The following SLC14A2 variants were observed in gnomAD, a reference collection of about 807,000 sequenced individuals.
SLC14A2 encodes solute carrier family 14 member 2.
SLC14A2 carries 91 observed loss-of-function variants against 104.6 expected under a neutral mutation model. The ratio of observed to expected loss-of-function variants is 0.87; its 90% CI spans 0.73 to 1.04. The LOEUF is 1.04. SLC14A2 is among the 50% of genes least tolerant of loss of function. SLC14A2 has a pLI of 0.00. For missense variants in SLC14A2, 1,189 were observed against 1,156.0 expected (o/e 1.03, Z -0.41); for synonymous variants, 476 against 466.4 (o/e 1.02, Z -0.27).
chr18:45,567,897 G>A lies in SLC14A2; in HGVS notation c.-34-56734G>A, dbSNP rs572118450. On this transcript the variant is annotated intron_variant, in intron 2 of 20. Transcript: ENST00000586448. ...TCTTTCAGGAGAAGATGGTGAAGAT[G>A]TGCAGAAGGGCAGCCACATCCCTCA... 3.3e-5 allele frequency among the ~76,000 whole-genome samples: 5 copies of A among 152,332 alleles called. No individual in the cohort carries two copies. The East Asian group carries it at 9.7e-4, about 29-fold the overall frequency.
intron 2 of SLC14A2, among the ~76,000 whole-genome samples, chr18:45,599,401 G>A (rs1009652652): frequency 6.6e-5 from 10 of 152,330 alleles, no homozygotes; most frequent in African/African-American, 1.7e-4. Context: ...TAGGTTCAGC[G>A]AGATGCCTGA....
chr18:45,377,131 C>G lies in SLC14A2; in HGVS notation c.-124-106102C>G, dbSNP rs550740221. ...TGAAAACATCTGCAGTTGCCAAAAT[C>G]AGAAGCCATTTCTCATTCCTGGTCC... is the stretch of plus-strand genomic sequence containing the variant. On this transcript the variant is annotated intron_variant, in intron 1 of 20. Coordinates refer to the SLC14A2 transcript ENST00000586448. Among the ~76,000 whole-genome samples, 14 of 152,266 alleles carry G rather than the reference C, an allele frequency of 9.2e-5. 1 individual carries two copies. Among genetic ancestry groups the G allele is most frequent in the African/African-American group, 3.1e-4 (13 of 41,562 alleles).
chr18:45,532,381 C>G (rs2043707270), intron 2 of SLC14A2, among the ~76,000 whole-genome samples: 1 of 152,078 alleles, frequency 6.6e-6, no homozygotes, highest in South Asian at 2.1e-4. Context: ...TTTCATTGAG[C>G]ACTGGTTTGT....
intron 2 of SLC14A2, among the ~76,000 whole-genome samples, chr18:45,510,610 C>T (rs752133834): frequency 6.6e-6 from 1 of 152,094 alleles, no homozygotes; most frequent in African/African-American, 2.4e-5. Context: ...TAAGCCAATG[C>T]CCCACCCAGA....
At chr18:45,258,467 C>T (rs1170423544) in intron 1 of SLC14A2, among the ~76,000 whole-genome samples, 1 of 143,076 alleles carries the variant, frequency 7.0e-6, no homozygotes, top group Non-Finnish European at 1.5e-5. Flanking sequence ...TTGCAATATG[C>T]TACAGCCCAG....
chr18:45,666,151 G>C lies in SLC14A2; in HGVS notation c.1489G>C (p.Glu497Gln), dbSNP rs764155552. ...TCTAACTCCAGTGTTTGGAAAAGGC[G>C]AACACCAGGAAAGACAAAACAAAGA... ...RRRSKVFGKG[E>Q]HQERQNKDPF... The change falls in exon 12 of 20, where the codon GAA becomes CAA. Residue 497 changes from glutamate (E) to glutamine (Q), a missense_variant. Physicochemically the swap from Glu to Gln is conservative, Grantham distance 29. Transcript: ENST00000255226. 6.2e-7 allele frequency: 1 copy of C among 1,613,518 alleles called. No individual in the cohort carries two copies. The highest frequency in any genetic ancestry group is 1.7e-5 in the Admixed American group (1 of 59,994).
intron 5 of SLC14A2, among the ~76,000 whole-genome samples, chr18:45,634,206 T>G (rs1387260630): frequency 2.6e-5 from 4 of 152,212 alleles, no homozygotes; most frequent in African/African-American, 9.6e-5. Flanking sequence ...GTATTTGTAG[T>G]GCCATTTTCC....
At chr18:45,383,536 A>G (rs2085861199) in intron 1 of SLC14A2, among the ~76,000 whole-genome samples, 1 of 152,226 alleles carries the variant, frequency 6.6e-6, no homozygotes, top group Non-Finnish European at 1.5e-5. Context: ...AGTCTTGTCT[A>G]CAGGTTTTCT....
chr18:45,307,933 G>C (rs1344706538), intron 1 of SLC14A2, among the ~76,000 whole-genome samples: 1 of 152,184 alleles, frequency 6.6e-6, no homozygotes, highest in Admixed American at 6.5e-5. Flanking sequence ...TCTGCTTCTG[G>C]TGAGGACCTC....
chr18:45,633,939 C>A (rs1463525547), intron 5 of SLC14A2, among the ~76,000 whole-genome samples: 1 of 152,148 alleles, frequency 6.6e-6, no homozygotes, highest in Non-Finnish European at 1.5e-5. Flanking sequence ...TTAATGCCCC[C>A]CACGTTCCTG....
chr18:45,580,509 C>A (rs1254054272), intron 2 of SLC14A2, among the ~76,000 whole-genome samples: 1 of 152,066 alleles, frequency 6.6e-6, no homozygotes, highest in Non-Finnish European at 1.5e-5. Context: ...GAGAGGGAAG[C>A]CTGAAGGAAA....
intron 1 of SLC14A2, among the ~76,000 whole-genome samples, chr18:45,456,012 T>A (rs2086937755): frequency 6.6e-6 from 1 of 152,122 alleles, no homozygotes; most frequent in African/African-American, 2.4e-5. Flanking sequence ...TCTAGACCAG[T>A]TAATAGTGTT....
intron 1 of SLC14A2, among the ~76,000 whole-genome samples, chr18:45,472,684 G>A (rs1286148348): frequency 6.6e-6 from 1 of 152,170 alleles, no homozygotes; most frequent in Non-Finnish European, 1.5e-5. Context: ...CTTTTGAGAA[G>A]TGTCTGTCCA....
intron 2 of SLC14A2, among the ~76,000 whole-genome samples, chr18:45,519,795 G>A (rs923550011): frequency 6.6e-6 from 1 of 152,198 alleles, no homozygotes; most frequent in Non-Finnish European, 1.5e-5. Flanking sequence ...TCATCCCCTG[G>A]AGCCTGTGGT....
the SLC14A2 span, among the ~76,000 whole-genome samples, chr18:45,170,663 T>A: frequency 1.3e-4 from 20 of 152,318 alleles, no homozygotes; most frequent in African/African-American, 4.8e-4. Flanking sequence ...TAGAAATAGA[T>A]TACTTTCTAT....
intron 11 of SLC14A2, among the ~76,000 whole-genome samples, chr18:45,664,255 C>T (rs1018078292): frequency 6.6e-6 from 1 of 152,080 alleles, no homozygotes; most frequent in Non-Finnish European, 1.5e-5. Flanking sequence ...TCTAATTTGC[C>T]AGCAAATCAA....
chr18:45,388,342 A>G (rs894430703), intron 1 of SLC14A2, among the ~76,000 whole-genome samples: 11 of 152,018 alleles, frequency 7.2e-5, no homozygotes, highest in African/African-American at 2.7e-4. Context: ...GATTACAGGC[A>G]TGAGCCACCG....
At chr18:45,395,254 C>T (rs7233145) in intron 1 of SLC14A2, among the ~76,000 whole-genome samples, 20,536 of 152,108 alleles carry the variant, frequency 0.14, 2,137 homozygotes, top group African/African-American at 0.28. Flanking sequence ...GCTTTATAGA[C>T]ATGCTAAATG....
At chr18:45,633,373 A>G (rs2045374208) in intron 5 of SLC14A2, among the ~76,000 whole-genome samples, 1 of 152,246 alleles carries the variant, frequency 6.6e-6, no homozygotes, top group Non-Finnish European at 1.5e-5. Context: ...TGTAAAGCAT[A>G]GAACCTTTGA....
Sources: gnomAD v4.1 joint callset for allele counts (sites outside exome capture counted in the v4.1 genomes callset) on GRCh38, gnomAD v4.1.1 for gene constraint, MANE v1.5 for transcripts, NCBI Gene and HGNC (gene_info 2026-07-23, HGNC 2026-07-21) for gene names.